The following NLGN4X variants were observed in gnomAD, a reference collection of about 807,000 sequenced individuals.
The protein encoded by NLGN4X is neuroligin 4 X-linked.
Under a neutral mutation model 40.3 loss-of-function variants are expected in NLGN4X, and 3 were observed. That is an observed-to-expected ratio of 0.07 (90% CI 0.03 to 0.19). NLGN4X has a LOEUF of 0.19. Ranked by LOEUF, NLGN4X falls within the 10% of genes least tolerant of loss-of-function variation. The pLI is 1.00. For missense variants in NLGN4X, 382 were observed against 708.3 expected (o/e 0.54, Z 5.23); for synonymous variants, 270 against 306.8 (o/e 0.88, Z 1.25).
chrX:6,088,337 G>A (rs1169037889), intron 2 of NLGN4X, among the ~76,000 whole-genome samples: 2 of 112,055 alleles, frequency 1.8e-5, no homozygotes, highest in Non-Finnish European at 3.8e-5. Context: ...CCCATGATCA[G>A]GCTGTCAAAG....
At chrX:5,922,960 T>G (rs1287249786) in intron 3 of NLGN4X, among the ~76,000 whole-genome samples, 1 of 112,039 alleles carries the variant, frequency 8.9e-6, no homozygotes. Context: ...TATTTGTGTG[T>G]GGGATAAGTT....
At chrX:5,918,451 T>C (rs1569129701) in intron 3 of NLGN4X, among the ~76,000 whole-genome samples, 1 of 111,959 alleles carries the variant, frequency 8.9e-6, no homozygotes, top group Non-Finnish European at 1.9e-5. Flanking sequence ...AAAGTAAATA[T>C]GACAGCACAT....
At chrX:6,221,394 T>C (rs1315858559) in intron 1 of NLGN4X, among the ~76,000 whole-genome samples, 1 of 20,368 alleles carries the variant, frequency 4.9e-5, no homozygotes, top group Admixed American at 7.2e-4. Flanking sequence ...TCTTATATTA[T>C]ATATATATAT....
intron 3 of NLGN4X, among the ~76,000 whole-genome samples, chrX:6,012,369 T>C (rs2036276661): frequency 8.9e-6 from 1 of 112,081 alleles, no homozygotes; most frequent in South Asian, 3.7e-4. Flanking sequence ...GCAAAGAGGA[T>C]GCAAGAAGGA....
intron 2 of NLGN4X, among the ~76,000 whole-genome samples, chrX:6,113,569 T>C (rs1203692060): frequency 9.1e-6 from 1 of 110,162 alleles, no homozygotes; most frequent in African/African-American, 3.3e-5. Context: ...ACTTACAACA[T>C]TGCAATAAAT....
chrX:6,064,381 C>T (rs1376195228), intron 2 of NLGN4X, among the ~76,000 whole-genome samples: 1 of 112,010 alleles, frequency 8.9e-6, no homozygotes, highest in African/African-American at 3.2e-5. Flanking sequence ...ACATGTCAAA[C>T]TCTGCCGGTC....
At chrX:6,042,730 T>TACACACACACAC (rs1555956845) in intron 2 of NLGN4X, among the ~76,000 whole-genome samples, 4 of 20,166 alleles carry the variant, frequency 2.0e-4, no homozygotes, top group South Asian at 2.6e-3. Context: ...TATATATATA[T>TACACACACACAC]ACACACACAC....
intron 1 of NLGN4X, among the ~76,000 whole-genome samples, chrX:6,199,413 G>C (rs948775405): frequency 3.6e-5 from 4 of 111,602 alleles, no homozygotes; most frequent in African/African-American, 9.8e-5. Context: ...AGAAGAATAA[G>C]TTTAAAAATA....
intron 3 of NLGN4X, among the ~76,000 whole-genome samples, chrX:5,972,920 G>C (rs181998480): frequency 1.9e-3 from 215 of 111,910 alleles, no homozygotes; most frequent in Middle Eastern, 9.2e-3. Flanking sequence ...ATGTCAAATA[G>C]AAATTTATCA....
At chrX:6,076,333 C>T (rs747166119) in intron 2 of NLGN4X, among the ~76,000 whole-genome samples, 1 of 111,830 alleles carries the variant, frequency 8.9e-6, no homozygotes, top group Non-Finnish European at 1.9e-5. Flanking sequence ...CAGCTCCATA[C>T]ACTGGTCCTA....
chrX:6,122,831 T>C (rs2039455399), intron 2 of NLGN4X, among the ~76,000 whole-genome samples: 1 of 104,210 alleles, frequency 9.6e-6, no homozygotes, highest in Admixed American at 1.1e-4. Flanking sequence ...AGAAATGAAA[T>C]TGTTGAACTG....
At chrX:5,943,074 T>C (rs1161229527) in intron 3 of NLGN4X, among the ~76,000 whole-genome samples, 1 of 111,009 alleles carries the variant, frequency 9.0e-6, no homozygotes, top group African/African-American at 3.3e-5. Context: ...AAAATGGTAA[T>C]GGAACAATCA....
chrX:6,092,768 T>C (rs992201619), intron 2 of NLGN4X, among the ~76,000 whole-genome samples: 8 of 111,251 alleles, frequency 7.2e-5, no homozygotes, highest in Non-Finnish European at 1.5e-4. Context: ...TTGAAATAAA[T>C]AGAAATTAAT....
chrX:5,893,105 G>A lies in NLGN4X; in HGVS notation c.2163C>T (p.Ile721=), dbSNP rs762077768. 13 of 1,209,529 alleles carry A rather than the reference G, an allele frequency of 1.1e-5. No individual in the cohort carries two copies. The highest frequency in any genetic ancestry group is 8.9e-5 in the East Asian group (3 of 33,734). The change falls in exon 6 of 6, where the codon ATC becomes ATT. Residue 721 remains isoleucine (I), a synonymous_variant. Coordinates refer to ENST00000381095, the MANE Select transcript of NLGN4X (RefSeq NM_181332.3). ...PSPQRNTTND[I]AHIQNEEIMS... ...TGATCTCTTCGTTCTGGATGTGAGC[G>A]ATATCATTTGTGGTGTTTCTCTGGG...
At chrX:6,011,285 T>C (rs2036244572) in intron 3 of NLGN4X, among the ~76,000 whole-genome samples, 1 of 110,007 alleles carries the variant, frequency 9.1e-6, no homozygotes, top group Admixed American at 9.8e-5. Context: ...ATGAGAGCAT[T>C]CATGCTGGCC....
chrX:6,105,395 T>C (rs1398988360), intron 2 of NLGN4X, among the ~76,000 whole-genome samples: 3 of 106,541 alleles, frequency 2.8e-5, no homozygotes, highest in Admixed American at 2.1e-4. Context: ...AATAAAATGT[T>C]TTACGTGACA....
chrX:6,133,977 C>T (rs919652686), intron 2 of NLGN4X, among the ~76,000 whole-genome samples: 6 of 111,497 alleles, frequency 5.4e-5, no homozygotes, highest in Non-Finnish European at 9.4e-5. Context: ...AATAAAAGGG[C>T]TTATTTGTGT....
intron 1 of NLGN4X, among the ~76,000 whole-genome samples, chrX:6,171,898 A>AC (rs756313541): frequency 9.0e-6 from 1 of 110,836 alleles, no homozygotes; most frequent in Admixed American, 9.6e-5. Flanking sequence ...TACTGTACAC[A>AC]CCCCTTGGTA....
intron 3 of NLGN4X, among the ~76,000 whole-genome samples, chrX:5,916,231 C>T (rs969873633): frequency 1.8e-5 from 2 of 111,843 alleles, no homozygotes; most frequent in Admixed American, 9.5e-5. Context: ...ACAATTCACA[C>T]GGATTGTAAT....
Sources: allele counts gnomAD v4.1 joint callset (sites outside exome capture counted in the v4.1 genomes callset), GRCh38; gene constraint gnomAD v4.1.1; transcripts MANE v1.5; gene names NCBI Gene and HGNC (gene_info 2026-07-23, HGNC 2026-07-21).